The following MMP26 variants were observed in gnomAD, a reference collection of about 807,000 sequenced individuals.
The protein encoded by MMP26 is matrix metalloproteinase-26.
MMP26 carries 33 observed loss-of-function variants against 31.0 expected under a neutral mutation model. The ratio of observed to expected loss-of-function variants is 1.06; its 90% CI spans 0.81 to 1.42. The LOEUF (loss-of-function observed/expected upper bound fraction) is 1.42, where lower values mean the gene tolerates loss of function less well. MMP26 is among the 40% of genes most tolerant of loss of function. The pLI is 0.00. For missense variants in MMP26, 347 were observed against 316.1 expected (o/e 1.10, Z -0.74); for synonymous variants, 122 against 114.9 (o/e 1.06, Z -0.40).
intron 2 of MMP26, among the ~76,000 whole-genome samples, chr11:4,879,992 C>G (rs1435077193): frequency 6.6e-6 from 1 of 152,118 alleles, no homozygotes; most frequent in Admixed American, 6.5e-5. Context: ...GCAGTCTTAG[C>G]AGATATCTAT....
chr11:4,809,011 C>T (rs1849314994), intron 2 of MMP26, among the ~76,000 whole-genome samples: 1 of 151,796 alleles, frequency 6.6e-6, no homozygotes, highest in Non-Finnish European at 1.5e-5. Context: ...AATACTTAGC[C>T]ATTTTTGTCC....
intron 1 of MMP26, among the ~76,000 whole-genome samples, chr11:4,739,362 C>A (rs1848283134): frequency 6.6e-6 from 1 of 152,146 alleles, no homozygotes; most frequent in Non-Finnish European, 1.5e-5. Context: ...TTCCTTTCTT[C>A]TTTTCCATGT....
chr11:4,845,857 G>T (rs1849859542), intron 2 of MMP26, among the ~76,000 whole-genome samples: 1 of 152,150 alleles, frequency 6.6e-6, no homozygotes, highest in Non-Finnish European at 1.5e-5. Context: ...CCACATCCTT[G>T]ATCATCAGAG....
chr11:4,748,204 G>A (rs908061301), intron 1 of MMP26, among the ~76,000 whole-genome samples: 1 of 151,974 alleles, frequency 6.6e-6, no homozygotes, highest in East Asian at 1.9e-4. Flanking sequence ...TCAAGGAAAT[G>A]AATACATTCC....
intron 2 of MMP26, among the ~76,000 whole-genome samples, chr11:4,789,729 A>G (rs1387623890): frequency 2.0e-5 from 3 of 150,734 alleles, no homozygotes; most frequent in Non-Finnish European, 4.4e-5. Flanking sequence ...TTTAGTAGAG[A>G]CGGGGTTTCA....
chr11:4,910,084 G>A (rs1850966616), intron 2 of MMP26, among the ~76,000 whole-genome samples: 1 of 151,920 alleles, frequency 6.6e-6, no homozygotes, highest in Non-Finnish European at 1.5e-5. Context: ...TTCTGACATG[G>A]GCTTCATTGA....
In MMP26 at chr11:4,954,915, C is replaced by T. The variant is rs56066301; in HGVS notation, c.-144-33153C>T. ...ACATTAATGAGGGGAGAGACATGCC[C>T]GGCAAAGCGGTGGACAACGGCCAGG... is the stretch of plus-strand genomic sequence containing the variant. On this transcript the variant is annotated intron_variant, in intron 2 of 7. Transcript: ENST00000380390. 1.1e-5 allele frequency: 12 copies of T among 1,088,764 alleles called. 2 individuals carry two copies. The highest frequency in any genetic ancestry group is 1.6e-5 in the Non-Finnish European group (12 of 758,524). The allele number at this position is 1,088,764 out of a possible 1,614,324, so 67.4% of individuals were successfully genotyped here. A position where few individuals can be genotyped will look rare whatever the true frequency, so the allele number is the denominator to read the frequency against.
At chr11:4,871,951 ATCT>A (rs1460249991) in intron 2 of MMP26, 1 of 152,108 alleles carries the variant, frequency 6.6e-6, no homozygotes, top group African/African-American at 2.4e-5. Context: ...CTAAATGTTG[ATCT>A]TCTCCTTTAG....
At chr11:4,753,735 A>G (rs1468856697) in intron 1 of MMP26, among the ~76,000 whole-genome samples, 1 of 152,106 alleles carries the variant, frequency 6.6e-6, no homozygotes, top group Non-Finnish European at 1.5e-5. Context: ...CAGTAAGTAC[A>G]TTTACCTAAG....
chr11:4,761,002 A>G (rs1848563585), intron 1 of MMP26, among the ~76,000 whole-genome samples: 4 of 152,160 alleles, frequency 2.6e-5, no homozygotes, highest in African/African-American at 9.7e-5. Context: ...GGAATTCAGG[A>G]TTTCTGAACA....
intron 2 of MMP26, chr11:4,877,662 G>T (rs1850401901): frequency 6.6e-6 from 1 of 152,080 alleles, no homozygotes; most frequent in Non-Finnish European, 1.5e-5. Context: ...TTGAAATTTT[G>T]CTAGTGCAAG....
At chr11:4,750,347 T>C (rs1377037299) in intron 1 of MMP26, among the ~76,000 whole-genome samples, 2 of 152,098 alleles carry the variant, frequency 1.3e-5, no homozygotes, top group East Asian at 1.9e-4. Context: ...AGTACCTCTA[T>C]GGAAAACTAC....
chr11:4,744,105 A>G (rs965556870), intron 1 of MMP26, among the ~76,000 whole-genome samples: 5 of 152,036 alleles, frequency 3.3e-5, no homozygotes, highest in African/African-American at 9.7e-5. Flanking sequence ...TAGCAGGACT[A>G]TTCTTACTCC....
At chr11:4,741,653 G>A (rs905003913) in intron 1 of MMP26, among the ~76,000 whole-genome samples, 3 of 151,446 alleles carry the variant, frequency 2.0e-5, no homozygotes, top group Non-Finnish European at 4.4e-5. Flanking sequence ...GTTGGGGGTG[G>A]GTGGGGGAGG....
chr11:4,804,108 A>T, intron 2 of MMP26: 1 of 1,614,150 alleles, frequency 6.2e-7, no homozygotes, highest in Non-Finnish European at 8.5e-7. Context: ...TCTCATGAGC[A>T]TGAAACCAGA....
chr11:4,916,049 T>C (rs536523194), intron 2 of MMP26, among the ~76,000 whole-genome samples: 1 of 152,246 alleles, frequency 6.6e-6, no homozygotes, highest in African/African-American at 2.4e-5. Context: ...CCAGGTGCAG[T>C]GGCTCACGCC....
intron 2 of MMP26, among the ~76,000 whole-genome samples, chr11:4,847,330 C>A (rs1849886123): frequency 6.6e-6 from 1 of 152,136 alleles, no homozygotes; most frequent in Admixed American, 6.5e-5. Context: ...ATTCCAAATG[C>A]CACTTGTAAG....
chr11:4,830,300 A>G (rs1472008880), intron 2 of MMP26: 1 of 152,146 alleles, frequency 6.6e-6, no homozygotes, highest in Non-Finnish European at 1.5e-5. Context: ...TCCAATGAAA[A>G]CACTGTAGTT....
chr11:4,797,039 G>C (rs936016277), intron 2 of MMP26, among the ~76,000 whole-genome samples: 2 of 151,814 alleles, frequency 1.3e-5, no homozygotes, highest in Admixed American at 6.6e-5. Flanking sequence ...TTAGAACACA[G>C]CTTTCATCAT....
Sources: gnomAD v4.1 joint callset for allele counts (sites outside exome capture counted in the v4.1 genomes callset) on GRCh38, gnomAD v4.1.1 for gene constraint, MANE v1.5 for transcripts, NCBI Gene and HGNC (gene_info 2026-07-23, HGNC 2026-07-21) for gene names.